HYDIN: variants seen among roughly 807,000 people sequenced by gnomAD.
HYDIN encodes the protein axonemal central pair apparatus protein HYDIN.
In HYDIN, 132 loss-of-function variants were observed where a neutral mutation model predicts 403.9. That is an observed-to-expected ratio of 0.33 (90% CI 0.28 to 0.38). HYDIN has a LOEUF of 0.38. Ranked by LOEUF, HYDIN falls within the 10% of genes least tolerant of loss-of-function variation. The pLI is 1.00. For synonymous variants in HYDIN, 1,202 were observed against 1,891.7 expected (o/e 0.64, Z 9.46); for missense variants, 2,827 against 5,009.5 (o/e 0.56, Z 13.15).
At chr16:71,113,638 G>C (rs1045400995) in intron 10 of HYDIN, 2 of 148,722 alleles carry the variant, frequency 1.3e-5, no homozygotes, top group Non-Finnish European at 2.9e-5. Flanking sequence ...CTGTCACCCA[G>C]GCTGGTGTCC....
chr16:70,989,126 T>G (rs1464071065), intron 25 of HYDIN, among the ~76,000 whole-genome samples: 1 of 152,186 alleles, frequency 6.6e-6, no homozygotes, highest in Non-Finnish European at 1.5e-5. Context: ...TGCAGTGGCA[T>G]GATCAGAGCT....
In HYDIN at chr16:70,807,640, A is replaced by G. The variant is rs1247538036; in HGVS notation, c.15306T>C (p.Pro5102=). Residue 5102 remains proline, a synonymous_variant, in exon 86 of 86, where the codon CCT becomes CCC. Coordinates refer to ENST00000393567, the MANE Select transcript of HYDIN (RefSeq NM_001270974.2). ...ITTKLTVSCP[P]GEGSETGVKW... ...TAACTCCAGTCTCACTCCCTTCACC[A>G]GGAGGGCAGCTCACAGTCAGCTTGG... 6.2e-7 allele frequency: 1 copy of G among 1,614,126 alleles called. No homozygotes were observed. The highest frequency in any genetic ancestry group is 8.5e-7 in the Non-Finnish European group (1 of 1,179,982).
intron 1 of HYDIN, among the ~76,000 whole-genome samples, chr16:71,229,162 G>C (rs2041170264): frequency 7.8e-6 from 1 of 127,526 alleles, no homozygotes; most frequent in Non-Finnish European, 1.6e-5. Flanking sequence ...GTTGTGGGGT[G>C]GGGGGAGGGG....
intron 73 of HYDIN, among the ~76,000 whole-genome samples, chr16:70,851,709 G>C (rs972789868): frequency 2.1e-5 from 3 of 146,248 alleles, no homozygotes; most frequent in African/African-American, 7.9e-5. Context: ...ATTCAACACA[G>C]CAATCTCTTT....
intron 1 of HYDIN, among the ~76,000 whole-genome samples, chr16:71,228,517 C>A (rs1361119981): frequency 6.6e-6 from 1 of 152,178 alleles, no homozygotes; most frequent in East Asian, 1.9e-4. Flanking sequence ...AGACACTTCT[C>A]AAAAGAAGAC....
At chr16:71,040,494 T>TC (rs1297744581) in intron 18 of HYDIN, among the ~76,000 whole-genome samples, 1 of 18,160 alleles carries the variant, frequency 5.5e-5, no homozygotes, top group Admixed American at 4.8e-4. Context: ...CGCACCCCCC[T>TC]CCCCCCCACA....
intron 3 of HYDIN, among the ~76,000 whole-genome samples, chr16:71,181,740 A>T (rs912934523): frequency 6.6e-6 from 1 of 152,216 alleles, no homozygotes; most frequent in Admixed American, 6.5e-5. Context: ...TCATTCAATA[A>T]ATATTGAGTT....
At chr16:70,939,220 A>T (rs1190240426) in intron 43 of HYDIN, among the ~76,000 whole-genome samples, 2 of 152,236 alleles carry the variant, frequency 1.3e-5, no homozygotes, top group African/African-American at 4.8e-5. Flanking sequence ...TAGAAGCCAG[A>T]AAAGACAAGA....
At chr16:71,030,476 A>G (rs1486671534) in intron 19 of HYDIN, among the ~76,000 whole-genome samples, 1 of 148,508 alleles carries the variant, frequency 6.7e-6, no homozygotes, top group Non-Finnish European at 1.5e-5. Flanking sequence ...TCTGTCACCC[A>G]GGCTGGAGTG....
chr16:70,829,717 C>A lies in HYDIN; in HGVS notation c.14013G>T (p.Glu4671Asp). Residue 4671 changes from glutamate (E) to aspartate (D), a missense_variant, in exon 81 of 86, where the codon GAG becomes GAT. Glu to Asp is a conservative substitution (Grantham distance 45). Transcript: ENST00000393567. ...CCTCCAGGGTGATGAACTCAGGCCC[C>A]TCCCAGTGCTCGCCCTCAAAGATGG... ...LHPIFEGEHW[E>D]GPEFITLEAH... 6.2e-7 allele frequency: 1 copy of A among 1,613,974 alleles called. No individual in the cohort carries two copies. The highest frequency in any genetic ancestry group is 8.5e-7 in the Non-Finnish European group (1 of 1,179,850).
At position 70,809,894 on chromosome 16, in the gene HYDIN, C is replaced by A; in HGVS notation, c.14772G>T (p.Thr4924=). 6.2e-7 allele frequency: 1 copy of A among 1,614,176 alleles called. No individual in the cohort carries two copies. Among genetic ancestry groups the A allele is most frequent in the Non-Finnish European group, 8.5e-7 (1 of 1,180,030 alleles). ...GAACAGGCTTTTCCGGAAGTGCTGGCGTGGCTTTCAGATAGAGCTCATATT... is the reference window on the plus strand; with the variant it reads ...GAACAGGCTTTTCCGGAAGTGCTGGAGTGGCTTTCAGATAGAGCTCATATT... The part of the protein sequence containing the change: ...YYQYELYLKA[T]PALPEKPVHF... Residue 4924 remains threonine (T), a synonymous_variant, in exon 85 of 86, where the codon ACG becomes ACT. Coordinates refer to ENST00000393567, the MANE Select transcript of HYDIN (RefSeq NM_001270974.2).
At chr16:71,167,174 G>A (rs921522321) in intron 5 of HYDIN, among the ~76,000 whole-genome samples, 1 of 152,062 alleles carries the variant, frequency 6.6e-6, no homozygotes, top group African/African-American at 2.4e-5. Context: ...AGATGGTAAT[G>A]CCAGACTCAA....
At chr16:71,197,261 T>C (rs2087742027) in intron 1 of HYDIN, among the ~76,000 whole-genome samples, 2 of 152,246 alleles carry the variant, frequency 1.3e-5, no homozygotes, top group African/African-American at 4.8e-5. Context: ...CAGTATCTAC[T>C]ATATGCAAAG....
intron 1 of HYDIN, among the ~76,000 whole-genome samples, chr16:71,230,265 G>T (rs1375822594): frequency 6.6e-6 from 1 of 152,184 alleles, no homozygotes; most frequent in African/African-American, 2.4e-5. Context: ...CGGTAAGACG[G>T]GAAATGATTC....
At chr16:70,988,966 C>T (rs2079259529) in intron 25 of HYDIN, among the ~76,000 whole-genome samples, 1 of 151,854 alleles carries the variant, frequency 6.6e-6, no homozygotes, top group Non-Finnish European at 1.5e-5. Flanking sequence ...GCATTTTTCT[C>T]AGTGGGGTAG....
At chr16:70,954,810 C>A (rs1242350467) in intron 40 of HYDIN, among the ~76,000 whole-genome samples, 1 of 152,194 alleles carries the variant, frequency 6.6e-6, no homozygotes, top group Non-Finnish European at 1.5e-5. Context: ...TTTCCTTGAA[C>A]ATAAAACTCA....
At chr16:71,030,230 G>A (rs1158229751) in intron 19 of HYDIN, among the ~76,000 whole-genome samples, 1 of 151,700 alleles carries the variant, frequency 6.6e-6, no homozygotes. Context: ...TTTTTATTTC[G>A]TAGAGATAGG....
intron 1 of HYDIN, among the ~76,000 whole-genome samples, chr16:71,192,457 C>T (rs2144682995): frequency 6.6e-6 from 1 of 152,324 alleles, no homozygotes; most frequent in Admixed American, 6.5e-5. Context: ...CTCCACACTC[C>T]TTAGCATGCT....
At chr16:70,947,291 A>C (rs2077900535) in intron 41 of HYDIN, among the ~76,000 whole-genome samples, 1 of 150,912 alleles carries the variant, frequency 6.6e-6, no homozygotes, top group Non-Finnish European at 1.5e-5. Context: ...GCATCTATTG[A>C]GATAATCATG....
Sources: allele counts gnomAD v4.1 joint callset (sites outside exome capture counted in the v4.1 genomes callset), GRCh38; gene constraint gnomAD v4.1.1; transcripts MANE v1.5; gene names NCBI Gene and HGNC (gene_info 2026-07-23, HGNC 2026-07-21).